The following DLGAP2 variants were observed in gnomAD, a reference collection of about 807,000 sequenced individuals.
The protein encoded by DLGAP2 is disks large-associated protein 2.
Under a neutral mutation model 100.3 loss-of-function variants are expected in DLGAP2, and 26 were observed. The observed-to-expected ratio is 0.26, with a 90% CI of 0.19 to 0.36. The LOEUF is 0.36. Ranked by LOEUF, DLGAP2 falls within the 10% of genes least tolerant of loss-of-function variation. DLGAP2 has a pLI of 1.00. For missense variants in DLGAP2, 1,858 were observed against 1,453.2 expected, an observed-to-expected ratio of 1.28 and a Z score of -4.53; for synonymous variants, 886 against 630.1, an observed-to-expected ratio of 1.41 and a Z score of -6.08.
chr8:1,086,675 A>C (rs1803983183), intron 2 of DLGAP2, among the ~76,000 whole-genome samples: 1 of 152,188 alleles, frequency 6.6e-6, no homozygotes, highest in East Asian at 1.9e-4. Context: ...GACATTATAT[A>C]ATGATAAAGG....
In DLGAP2 at chr8:1,251,921, G is replaced by A. The variant is rs142503172; in HGVS notation, c.74-6930G>A. On this transcript the variant is annotated intron_variant, in intron 2 of 14. Coordinates refer to ENST00000637795, the MANE Select transcript of DLGAP2 (RefSeq NM_001346810.2). ...CAGTATTGTGTTATCACGTGGGCCT[G>A]TTTTCCCACAGTCATGTTGTCCTGG... 3.2e-3 allele frequency among the ~76,000 whole-genome samples: 492 copies of A among 152,364 alleles called. 2 individuals are homozygous for A. The highest frequency in any genetic ancestry group is 5.7e-3 in the Non-Finnish European group (390 of 68,042).
intron 4 of DLGAP2, among the ~76,000 whole-genome samples, chr8:1,520,681 G>T (rs1196430445): frequency 1.3e-5 from 2 of 152,192 alleles, no homozygotes; most frequent in Non-Finnish European, 2.9e-5. Context: ...TTCAAAGAGT[G>T]TGAAGGCTTT....
At position 1,313,151 on chromosome 8, in the gene DLGAP2, T is replaced by C. The variant is rs899490125; in HGVS notation, c.106+54268T>C. Among the ~76,000 whole-genome samples the C allele has an allele frequency of 3.3e-5, 5 of 152,220 alleles. No individual in the cohort carries two copies. In the East Asian group the frequency reaches 5.8e-4, roughly 18 times the overall value. ...GGTGACATTTACCTATGTCTGTTTA[T>C]ATAGACATAGAACATCACTGTAAAA... is the stretch of plus-strand genomic sequence containing the variant. On this transcript the variant is annotated intron_variant, in intron 3 of 14. Coordinates refer to ENST00000637795, the MANE Select transcript of DLGAP2 (RefSeq NM_001346810.2).
chr8:870,878 C>G (rs1385604071), intron 1 of DLGAP2, among the ~76,000 whole-genome samples: 1 of 152,182 alleles, frequency 6.6e-6, no homozygotes, highest in African/African-American at 2.4e-5. Context: ...ACTCGGGAAT[C>G]TGAGAATCAC....
At chr8:984,606 A>G (rs1800434515) in intron 2 of DLGAP2, among the ~76,000 whole-genome samples, 1 of 152,192 alleles carries the variant, frequency 6.6e-6, no homozygotes, top group South Asian at 2.1e-4. Context: ...ACAGCTCTTG[A>G]CACATCTGCC....
chr8:994,133 GATT>G (rs951937700), intron 2 of DLGAP2, among the ~76,000 whole-genome samples: 2 of 152,180 alleles, frequency 1.3e-5, no homozygotes, highest in Non-Finnish European at 2.9e-5. Flanking sequence ...TGTCATTAGT[GATT>G]ATTATTGGGG....
chr8:1,438,823 G>A (rs1797735335), intron 3 of DLGAP2, among the ~76,000 whole-genome samples: 1 of 152,182 alleles, frequency 6.6e-6, no homozygotes, highest in Non-Finnish European at 1.5e-5. Context: ...ATCCACAAAT[G>A]TTTCCTGAGC....
At chr8:1,378,071 G>A (rs974050609) in intron 3 of DLGAP2, 5 of 156,050 alleles carry the variant, frequency 3.2e-5, no homozygotes, top group Admixed American at 1.3e-4. Flanking sequence ...TCCTGCTGAA[G>A]TGACCCGTCT....
chr8:1,687,780 G>T (rs756827834), intron 12 of DLGAP2, among the ~76,000 whole-genome samples: 3 of 152,130 alleles, frequency 2.0e-5, no homozygotes, highest in African/African-American at 7.2e-5. Flanking sequence ...CAAATTTTAA[G>T]AAACTGATTG....
intron 3 of DLGAP2, among the ~76,000 whole-genome samples, chr8:1,284,821 G>C (rs1412881515): frequency 6.6e-6 from 1 of 152,108 alleles, no homozygotes; most frequent in Non-Finnish European, 1.5e-5. Context: ...GTGTTGCGTA[G>C]GCTGGTCTGG....
At chr8:1,225,821 C>T (rs1222128348) in intron 2 of DLGAP2, among the ~76,000 whole-genome samples, 1 of 152,100 alleles carries the variant, frequency 6.6e-6, no homozygotes, top group Non-Finnish European at 1.5e-5. Flanking sequence ...TTGTATAAAT[C>T]AAAATTGCTA....
intron 2 of DLGAP2, among the ~76,000 whole-genome samples, chr8:1,208,919 A>G (rs1412017614): frequency 6.6e-6 from 1 of 151,474 alleles, no homozygotes; most frequent in South Asian, 2.1e-4. Context: ...TAAAATGCTT[A>G]GGAATATACC....
At chr8:1,138,821 A>G (rs1013951893) in intron 2 of DLGAP2, among the ~76,000 whole-genome samples, 5 of 147,930 alleles carry the variant, frequency 3.4e-5, no homozygotes, top group Non-Finnish European at 7.4e-5. Context: ...CTTCCTGTTT[A>G]TTTACTAGTC....
chr8:783,735 A>G (rs1268311687), intron 1 of DLGAP2, among the ~76,000 whole-genome samples: 1 of 152,152 alleles, frequency 6.6e-6, no homozygotes, highest in East Asian at 1.9e-4. Flanking sequence ...TGAAAGAGGG[A>G]AAAGGTGTAC....
intron 8 of DLGAP2, among the ~76,000 whole-genome samples, chr8:1,652,141 G>A (rs1300786141): frequency 4.6e-5 from 7 of 152,210 alleles, no homozygotes; most frequent in African/African-American, 1.7e-4. Flanking sequence ...CATAAACCTG[G>A]TGCTAAGGAA....
chr8:1,006,476 C>T (rs1251042312), intron 2 of DLGAP2, among the ~76,000 whole-genome samples: 1 of 125,848 alleles, frequency 7.9e-6, no homozygotes, highest in Non-Finnish European at 1.7e-5. Context: ...GGTCCTTTAT[C>T]ACATCGGGGA....
Position 1,295,058 on chromosome 8 carries a change from A to T in DLGAP2, c.106+36175A>T, listed in dbSNP as rs143184370. Among the ~76,000 whole-genome samples, 29 of 152,262 alleles carry T rather than the reference A, an allele frequency of 1.9e-4. 1 individual carries two copies. Among genetic ancestry groups the T allele is most frequent in the African/African-American group, 7.0e-4 (29 of 41,538 alleles). The stretch of plus-strand genomic sequence containing the variant: ...TCGCTGAGCAGAAGGAAAGGAAATA[A>T]TTTTAAAAGGCAAACAGCAAACAGG... On this transcript the variant is annotated intron_variant, in intron 3 of 14. Transcript: ENST00000637795.
At chr8:1,524,469 A>G (rs1009631339) in intron 4 of DLGAP2, among the ~76,000 whole-genome samples, 4 of 152,126 alleles carry the variant, frequency 2.6e-5, no homozygotes, top group Non-Finnish European at 5.9e-5. Flanking sequence ...TGGGCGGCTT[A>G]AACAACGGAC....
intron 1 of DLGAP2, among the ~76,000 whole-genome samples, chr8:823,013 T>C (rs1373567907): frequency 6.6e-6 from 1 of 152,170 alleles, no homozygotes; most frequent in Non-Finnish European, 1.5e-5. Context: ...TCTTATTTCT[T>C]ATTCCAGAGG....
Sources: gnomAD v4.1 joint callset for allele counts (sites outside exome capture counted in the v4.1 genomes callset) on GRCh38, gnomAD v4.1.1 for gene constraint, MANE v1.5 for transcripts, NCBI Gene and HGNC (gene_info 2026-07-23, HGNC 2026-07-21) for gene names.